CDH13: variants seen among roughly 807,000 people sequenced by gnomAD.
CDH13 encodes the protein cadherin 13.
A neutral mutation model predicts 63.8 loss-of-function variants in CDH13; 24 were observed. The observed-to-expected ratio is 0.38, with a 90% CI of 0.27 to 0.53. CDH13 has a LOEUF of 0.53. Among genes scored for constraint, CDH13 ranks in the 20% least tolerant of loss-of-function variants. The probability of loss-of-function intolerance (pLI) is 0.85; values close to 1 mark genes in which losing one functional copy is unlikely to be tolerated. For missense variants in CDH13, 1,049 were observed against 903.1 expected (o/e 1.16, Z -2.07); for synonymous variants, 503 against 355.3 (o/e 1.42, Z -4.67).
chr16:83,296,787 TGCATGTA>T (rs952407819), intron 5 of CDH13, among the ~76,000 whole-genome samples: 1 of 152,178 alleles, frequency 6.6e-6, no homozygotes, highest in African/African-American at 2.4e-5. Context: ...AACAGCAGAT[TGCATGTA>T]CACCCAATAA....
intron 5 of CDH13, among the ~76,000 whole-genome samples, chr16:83,330,491 C>T: frequency 6.6e-6 from 1 of 152,124 alleles, no homozygotes; most frequent in Non-Finnish European, 1.5e-5. Flanking sequence ...TGGCATTGTT[C>T]CGAAGGAGAA....
intron 2 of CDH13, among the ~76,000 whole-genome samples, chr16:82,874,929 A>G (rs1239394624): frequency 6.6e-6 from 1 of 152,160 alleles, no homozygotes; most frequent in Non-Finnish European, 1.5e-5. Context: ...ACTCATGGGG[A>G]TGTGTGGCCA....
At chr16:82,812,881 C>T (rs950587288) in intron 1 of CDH13, among the ~76,000 whole-genome samples, 4 of 149,804 alleles carry the variant, frequency 2.7e-5, no homozygotes, top group Non-Finnish European at 5.9e-5. Context: ...GATACTTTCT[C>T]ATAAGGATTC....
At chr16:82,793,019 C>A (rs775610723) in intron 1 of CDH13, among the ~76,000 whole-genome samples, 1 of 152,202 alleles carries the variant, frequency 6.6e-6, no homozygotes, top group Non-Finnish European at 1.5e-5. Context: ...CAGAAGCAGA[C>A]TTGACTTTGG....
chr16:82,762,244 C>T (rs2034882685), intron 1 of CDH13, among the ~76,000 whole-genome samples: 2 of 152,164 alleles, frequency 1.3e-5, no homozygotes, highest in African/African-American at 4.8e-5. Flanking sequence ...TCTCTTTCTG[C>T]TCCCACGATG....
At chr16:83,445,993 T>C (rs566280802) in intron 6 of CDH13, among the ~76,000 whole-genome samples, 1 of 152,172 alleles carries the variant, frequency 6.6e-6, no homozygotes, top group Non-Finnish European at 1.5e-5. Flanking sequence ...AACTTTTTTA[T>C]TGGGTATAGA....
chr16:83,305,446 G>C (rs2089852457), intron 5 of CDH13, among the ~76,000 whole-genome samples: 1 of 152,218 alleles, frequency 6.6e-6, no homozygotes, highest in African/African-American at 2.4e-5. Context: ...TAGCCAGTAT[G>C]TCCTGAGGTT....
intron 7 of CDH13, among the ~76,000 whole-genome samples, chr16:83,522,818 C>G (rs1053792773): frequency 6.6e-6 from 1 of 152,102 alleles, no homozygotes; most frequent in Non-Finnish European, 1.5e-5. Context: ...CTGACCTCCA[C>G]CTATAGGTTC....
intron 7 of CDH13, among the ~76,000 whole-genome samples, chr16:83,508,976 A>G (rs3924390): frequency 0.11 from 16,358 of 152,220 alleles, 1,041 homozygotes; most frequent in African/African-American, 0.18. Context: ...TGTACATGCC[A>G]TCACAGCTCT....
intron 6 of CDH13, among the ~76,000 whole-genome samples, chr16:83,377,039 G>A (rs2091472423): frequency 6.6e-6 from 1 of 152,222 alleles, no homozygotes; most frequent in African/African-American, 2.4e-5. Context: ...CACTATTCAT[G>A]GGAATAAAGG....
intron 6 of CDH13, among the ~76,000 whole-genome samples, chr16:83,426,651 A>G (rs1222448010): frequency 6.6e-6 from 1 of 152,114 alleles, no homozygotes; most frequent in East Asian, 1.9e-4. Flanking sequence ...ACTGCTGTGC[A>G]CCAGCCTACA....
chr16:82,812,078 G>A (rs1341521301), intron 1 of CDH13, among the ~76,000 whole-genome samples: 2 of 152,136 alleles, frequency 1.3e-5, no homozygotes, highest in Non-Finnish European at 2.9e-5. Flanking sequence ...AAAAAGCTGT[G>A]CCACCCTTTG....
In CDH13 at chr16:83,478,836, G is replaced by GAAAAAAAAA. The variant is rs374669824; in HGVS notation, c.782-7632_782-7624dup. 3.6e-4 allele frequency among the ~76,000 whole-genome samples: 40 copies of GAAAAAAAAA among 111,876 alleles called. 1 individual carries two copies. Among genetic ancestry groups the GAAAAAAAAA allele is most frequent in the South Asian group, 5.9e-4 (2 of 3,412 alleles). The allele number at this position is 111,876 out of a possible 152,430, so 73.4% of individuals were successfully genotyped here. A position where few individuals can be genotyped will look rare whatever the true frequency, so the allele number is the denominator to read the frequency against. Reference sequence around the variant, plus strand: ...GGCCAGTAGAGTCTTTTGAAGATGAGAAAAAAAAAAAAAAAAAGAAAAAAA... The same window carrying GAAAAAAAAA: ...GGCCAGTAGAGTCTTTTGAAGATGAGAAAAAAAAAAAAAAAAAAAAAAAAAAGAAAAAAA... On this transcript the variant is annotated intron_variant, in intron 6 of 13. Coordinates refer to ENST00000567109, the MANE Select transcript of CDH13 (RefSeq NM_001257.5).
At chr16:83,242,328 G>A (rs1461007075) in intron 5 of CDH13, among the ~76,000 whole-genome samples, 1 of 152,204 alleles carries the variant, frequency 6.6e-6, no homozygotes. Context: ...ATTTACTGAG[G>A]TGGCAATGAC....
intron 1 of CDH13, among the ~76,000 whole-genome samples, chr16:82,755,200 T>C (rs80025797): frequency 0.047 from 7,215 of 152,276 alleles, 181 homozygotes; most frequent in Middle Eastern, 0.058. Flanking sequence ...GCAGCCCTAC[T>C]CCATGTTTCC....
intron 5 of CDH13, among the ~76,000 whole-genome samples, chr16:83,298,148 C>T (rs749377904): frequency 2.1e-4 from 32 of 151,368 alleles, no homozygotes; most frequent in African/African-American, 3.6e-4. Flanking sequence ...GAGGCTGAGG[C>T]GGGAGGAAAG....
intron 1 of CDH13, among the ~76,000 whole-genome samples, chr16:82,656,210 G>GA (rs369326265): frequency 1.5e-3 from 231 of 152,194 alleles, no homozygotes; most frequent in African/African-American, 5.3e-3. Context: ...TTCAAGCAGA[G>GA]AATCAGTGGT....
chr16:83,448,442 A>G (rs2072776979), intron 6 of CDH13, among the ~76,000 whole-genome samples: 1 of 152,158 alleles, frequency 6.6e-6, no homozygotes, highest in East Asian at 1.9e-4. Flanking sequence ...CCCTAGAACA[A>G]GATGCTCAAT....
chr16:83,089,572 C>G (rs1185896272), intron 3 of CDH13, among the ~76,000 whole-genome samples: 2 of 152,176 alleles, frequency 1.3e-5, no homozygotes, highest in East Asian at 3.9e-4. Flanking sequence ...AACCCCAGGG[C>G]TTGGTGCCTG....
Sources: allele counts gnomAD v4.1 joint callset (sites outside exome capture counted in the v4.1 genomes callset), GRCh38; gene constraint gnomAD v4.1.1; transcripts MANE v1.5; gene names NCBI Gene and HGNC (gene_info 2026-07-23, HGNC 2026-07-21).